The following CEACAM6 variants were observed in gnomAD, a reference collection of about 807,000 sequenced individuals.
CEACAM6 encodes the protein cell adhesion molecule CEACAM6.
In CEACAM6, 21 loss-of-function variants were observed where a neutral mutation model predicts 32.4. The observed-to-expected ratio is 0.65, with a 90% confidence interval of 0.46 to 0.93. The LOEUF (loss-of-function observed/expected upper bound fraction) is 0.93, where lower values mean the gene tolerates loss of function less well. Ranked by LOEUF, CEACAM6 falls within the 40% of genes least tolerant of loss-of-function variation. The pLI, the probability that CEACAM6 is intolerant of heterozygous loss-of-function variation, is 0.00. For missense variants in CEACAM6, 406 were observed against 432.2 expected, an observed-to-expected ratio of 0.94 and a Z score of 0.54; for synonymous variants, 184 against 174.4, an observed-to-expected ratio of 1.06 and a Z score of -0.43.
chr19:41,764,780 G>A (rs1555822249), intron 4 of CEACAM6, among the ~76,000 whole-genome samples: 1 of 151,818 alleles, frequency 6.6e-6, no homozygotes, highest in Non-Finnish European at 1.5e-5. Context: ...CACTATCTTT[G>A]GGTTGATTTT....
rs1555821822 is a variant in CEACAM6, at chr19:41,761,316, C to T, written c.492C>T (p.Ala164=). 5.6e-6 allele frequency: 9 copies of T among 1,614,070 alleles called. No homozygotes were observed. Among genetic ancestry groups the T allele is most frequent in the Non-Finnish European group, 7.6e-6 (9 of 1,180,042 alleles). The part of the protein sequence containing the change: ...SNPVEDKDAV[A]FTCEPEVQNT... Reference sequence around the variant, plus strand: ...CCGTGGAGGACAAGGATGCTGTGGCCTTCACCTGTGAACCTGAGGTTCAGA... The same window carrying T: ...CCGTGGAGGACAAGGATGCTGTGGCTTTCACCTGTGAACCTGAGGTTCAGA... Residue 164 remains alanine (A), a synonymous_variant, in exon 3 of 6, where the codon GCC becomes GCT. Transcript: ENST00000199764.
intron 4 of CEACAM6, among the ~76,000 whole-genome samples, chr19:41,763,795 G>A (rs2072941708): frequency 6.6e-6 from 1 of 152,202 alleles, no homozygotes; most frequent in African/African-American, 2.4e-5. Flanking sequence ...GCACAGCGGA[G>A]CTGCCCAAGC....
At chr19:41,763,719 TCTGA>T (rs1555822157) in intron 4 of CEACAM6, among the ~76,000 whole-genome samples, 1 of 152,172 alleles carries the variant, frequency 6.6e-6, no homozygotes, top group African/African-American at 2.4e-5. Context: ...AGATGCCAAC[TCTGA>T]CTGAACGATG....
intron 4 of CEACAM6, among the ~76,000 whole-genome samples, chr19:41,765,508 C>T (rs1568727679): frequency 6.6e-6 from 1 of 152,128 alleles, no homozygotes. Flanking sequence ...CAAGATAATT[C>T]ACTGGGTAAA....
intron 2 of CEACAM6, 81 bp from the exon 3 acceptor site, chr19:41,761,167 AG>A (rs1555821764): frequency 3.1e-6 from 5 of 1,599,536 alleles, no homozygotes; most frequent in Non-Finnish European, 4.3e-6. Flanking sequence ...GAGAGGTGAG[AG>A]ATGCCAACTC....
intron 4 of CEACAM6, among the ~76,000 whole-genome samples, chr19:41,763,007 A>T (rs2072936071): frequency 6.6e-6 from 1 of 152,182 alleles, no homozygotes; most frequent in Admixed American, 6.5e-5. Flanking sequence ...ACACTTGGAG[A>T]CATAGGGAGA....
chr19:41,760,725 T>C (rs1363993023), intron 2 of CEACAM6, among the ~76,000 whole-genome samples: 1 of 152,214 alleles, frequency 6.6e-6, no homozygotes, highest in Non-Finnish European at 1.5e-5. Flanking sequence ...GTCCCCTGTG[T>C]TATTTCTGCT....
At chr19:41,761,755 C>T (rs1448447964) in intron 3 of CEACAM6, among the ~76,000 whole-genome samples, 6 of 152,326 alleles carry the variant, frequency 3.9e-5, no homozygotes, top group Middle Eastern at 6.8e-3. Context: ...CATCATCACT[C>T]ATCTCCAGGA....
Position 41,762,102 on chromosome 19 carries a change from A to T in CEACAM6, c.837A>T (p.Gln279His). ...GGTTTATCAATGGGACGTTCCAGCA[A>T]TCCACACAAGAGCTCTTTATCCCCA... ...YSWFINGTFQQSTQELFIPNI... is the reference protein window; with the variant it reads ...YSWFINGTFQHSTQELFIPNI... The change falls in exon 4 of 6, where the codon CAA becomes CAT. Residue 279 changes from glutamine to histidine, a missense_variant. Transcript: ENST00000199764. 6.2e-7 allele frequency: 1 copy of T among 1,614,178 alleles called. No homozygotes were observed. Among genetic ancestry groups the T allele is most frequent in the African/African-American group, 1.3e-5 (1 of 75,036 alleles).
chr19:41,769,775 A>G (rs1237956486), intron 5 of CEACAM6, among the ~76,000 whole-genome samples: 7 of 148,528 alleles, frequency 4.7e-5, no homozygotes, highest in African/African-American at 7.3e-5. Context: ...CAATTATTTG[A>G]TGATCATTAT....
At chr19:41,757,587 T>A (rs925160031) in intron 2 of CEACAM6, among the ~76,000 whole-genome samples, 1 of 152,048 alleles carries the variant, frequency 6.6e-6, no homozygotes, top group African/African-American at 2.4e-5. Context: ...TGGAAAAAAT[T>A]ACTAGTGCAT....
At chr19:41,760,064 G>A (rs782176665) in intron 2 of CEACAM6, among the ~76,000 whole-genome samples, 1 of 152,074 alleles carries the variant, frequency 6.6e-6, no homozygotes, top group Non-Finnish European at 1.5e-5. Context: ...TTATGCGTAA[G>A]TGATACTCAA....
intron 2 of CEACAM6, 77 bp downstream of exon 2, chr19:41,757,036 G>A (rs1338658183): frequency 1.3e-5 from 20 of 1,541,436 alleles, no homozygotes; most frequent in Admixed American, 1.0e-4. Context: ...GGCCTGGGTT[G>A]TGCCTGTGGC....
At position 41,762,054 on chromosome 19, in the gene CEACAM6, TA is replaced by T. The variant is rs782655627; in HGVS notation, c.791del (p.Asn264ThrfsTer28). 6.2e-7 allele frequency: 1 copy of T among 1,614,168 alleles called. No homozygotes were observed. The highest frequency in any genetic ancestry group is 1.1e-5 in the South Asian group (1 of 91,084). On this transcript the variant is annotated frameshift_variant, in exon 4 of 6. Transcript: ENST00000199764. LOFTEE classifies it high-confidence loss of function. ...NLNLSCHAAS[N>X]PPAQYSWFIN... Reference sequence around the variant, plus strand: ...TGAACCTCTCCTGCCACGCAGCCTCTAACCCACCTGCACAGTACTCTTGGTT... The same window carrying T: ...TGAACCTCTCCTGCCACGCAGCCTCTACCCACCTGCACAGTACTCTTGGTT...
At chr19:41,760,673 C>T (rs142596643) in intron 2 of CEACAM6, among the ~76,000 whole-genome samples, 12 of 152,310 alleles carry the variant, frequency 7.9e-5, no homozygotes, top group African/African-American at 1.9e-4. Context: ...CCTGTGGTTC[C>T]ACTGCCTGAT....
At position 41,756,853 on chromosome 19, in the gene CEACAM6, C is replaced by T. The variant is rs368526368; in HGVS notation, c.318C>T (p.Ser106=). 6.2e-7 allele frequency: 1 copy of T among 1,614,006 alleles called. No individual in the cohort carries two copies. Among genetic ancestry groups the T allele is most frequent in the African/African-American group, 1.3e-5 (1 of 74,886 alleles). The part of the protein sequence containing the change: ...SGRETIYPNA[S]LLIQNVTQND... ...GAGAGACAATATACCCCAATGCATC[C>T]CTGCTGATCCAGAACGTCACCCAGA... Residue 106 remains serine, a synonymous_variant, in exon 2 of 6, where the codon TCC becomes TCT. Transcript: ENST00000199764.
rs1555821997 is a variant in CEACAM6 at position 41,762,201 on chromosome 19, A to C, written c.936A>C (p.Thr312=). ...CAGCCACTGGCCTCAATAGGACCAC[A>C]GTCACGATGATCACAGTCTCTGGTA... ...HNSATGLNRT[T]VTMITVSGSA... The change falls in exon 4 of 6, where the codon ACA becomes ACC. Residue 312 remains threonine (T), a synonymous_variant. Transcript: ENST00000199764. 6.2e-7 allele frequency: 1 copy of C among 1,614,088 alleles called. No homozygotes were observed. Among genetic ancestry groups the C allele is most frequent in the Non-Finnish European group, 8.5e-7 (1 of 1,179,964 alleles).
At chr19:41,760,981 A>G (rs540779181) in intron 2 of CEACAM6, among the ~76,000 whole-genome samples, 1 of 152,220 alleles carries the variant, frequency 6.6e-6, no homozygotes, top group South Asian at 2.1e-4. Context: ...AGGGGCTGTG[A>G]CCCCGGGTCC....
Position 41,755,588 on chromosome 19 carries a change from T to C in CEACAM6, c.-51T>C. On this transcript the variant is annotated 5_prime_UTR_variant, in exon 1 of 6. Transcript: ENST00000199764. ...ACAGCAGCCCTGACCAGAGCATTCC[T>C]GGAGCTCAAGCTCCTCTACAAAGAG... is the stretch of plus-strand genomic sequence containing the variant. 1 of 1,562,620 alleles carries C rather than the reference T, an allele frequency of 6.4e-7. No homozygotes were observed. Among genetic ancestry groups the C allele is most frequent in the Non-Finnish European group, 8.8e-7 (1 of 1,133,806 alleles).
Sources: allele counts gnomAD v4.1 joint callset (sites outside exome capture counted in the v4.1 genomes callset), GRCh38; gene constraint gnomAD v4.1.1; transcripts MANE v1.5; gene names NCBI Gene and HGNC (gene_info 2026-07-23, HGNC 2026-07-21).